Variants in FEZ1 observed in about 807,000 individuals in gnomAD.
The protein encoded by FEZ1 is fasciculation and elongation protein zeta 1.
FEZ1 carries 20 observed loss-of-function variants against 49.3 expected under a neutral mutation model. The ratio of observed to expected loss-of-function variants is 0.41; its 90% CI spans 0.29 to 0.59. FEZ1 has a LOEUF of 0.59. Ranked by LOEUF, FEZ1 falls within the 20% of genes least tolerant of loss-of-function variation. The probability of loss-of-function intolerance (pLI) is 0.36; values close to 1 mark genes in which losing one functional copy is unlikely to be tolerated. For missense variants in FEZ1, 413 were observed against 476.0 expected (o/e 0.87, Z 1.23); for synonymous variants, 170 against 180.9 (o/e 0.94, Z 0.48).
At chr11:125,458,381 C>T (rs1957040324) in intron 5 of FEZ1, among the ~76,000 whole-genome samples, 1 of 152,192 alleles carries the variant, frequency 6.6e-6, no homozygotes, top group Non-Finnish European at 1.5e-5. Flanking sequence ...TCATTTCATG[C>T]TTCATCCAGC....
At position 125,485,397 on chromosome 11, in the gene FEZ1, G is replaced by A. The variant is rs547521984; in HGVS notation, c.312-3764C>T. On this transcript the variant is annotated intron_variant, in intron 2 of 9. Coordinates refer to ENST00000278919, the MANE Select transcript of FEZ1 (RefSeq NM_005103.5). The stretch of plus-strand genomic sequence containing the variant: ...AGGACACGTGTACAAAGAACTCCAG[G>A]GCCTGGAACTGGCAACATAGCCATC... Among the ~76,000 whole-genome samples the A allele has an allele frequency of 9.9e-5, 15 of 152,142 alleles. No homozygotes were observed. The South Asian group carries it at 3.1e-3, about 32-fold the overall frequency.
At chr11:125,457,857 C>CTCTT (rs1399854300) in intron 5 of FEZ1, among the ~76,000 whole-genome samples, 1 of 152,166 alleles carries the variant, frequency 6.6e-6, no homozygotes, top group East Asian at 1.9e-4. Context: ...ATCCATTTCC[C>CTCTT]TCTTCCTCTT....
intron 1 of FEZ1, among the ~76,000 whole-genome samples, chr11:125,490,951 A>T (rs1029953973): frequency 2.0e-5 from 3 of 151,928 alleles, no homozygotes; most frequent in Admixed American, 6.6e-5. Context: ...ATGGGGTTTC[A>T]CCATGTTGGC....
intron 5 of FEZ1, among the ~76,000 whole-genome samples, chr11:125,458,461 A>G (rs1957040883): frequency 6.6e-6 from 1 of 152,182 alleles, no homozygotes; most frequent in Admixed American, 6.5e-5. Flanking sequence ...CTCTGGAGTT[A>G]ACCTACCTGG....
intron 2 of FEZ1, among the ~76,000 whole-genome samples, chr11:125,485,189 A>G (rs987360716): frequency 6.6e-6 from 1 of 152,114 alleles, no homozygotes. Context: ...CTGAGATTCA[A>G]TTTGCTCTCT....
Position 125,493,837 on chromosome 11 carries a change from C to A in FEZ1, c.-46+2284G>T, listed in dbSNP as rs188108263. On this transcript the variant is annotated intron_variant, in intron 1 of 9. Transcript: ENST00000278919. ...GACAGGGGAGAAGCAGATGGTGACA[C>A]CAGTGGGGTTTCTGATTTGAAATGA... is the stretch of plus-strand genomic sequence containing the variant. 9.0e-4 allele frequency among the ~76,000 whole-genome samples: 137 copies of A among 152,244 alleles called. No individual in the cohort carries two copies. In the Middle Eastern group the frequency reaches 0.041, roughly 45 times the overall value.
chr11:125,494,185 T>C (rs907009609), intron 1 of FEZ1, among the ~76,000 whole-genome samples: 4 of 152,168 alleles, frequency 2.6e-5, no homozygotes, highest in African/African-American at 9.7e-5. Context: ...GGGAAACTAG[T>C]CACTCAACAC....
intron 3 of FEZ1, among the ~76,000 whole-genome samples, chr11:125,465,685 A>G (rs1432436513): frequency 1.3e-5 from 2 of 152,212 alleles, no homozygotes; most frequent in Non-Finnish European, 2.9e-5. Context: ...ACGGCCAAGA[A>G]AACCCTGGCT....
At position 125,454,293 on chromosome 11, in the gene FEZ1, G is replaced by A. The variant is rs543848493; in HGVS notation, c.940-83C>T. 1,687 of 1,029,828 alleles carry A rather than the reference G, an allele frequency of 1.6e-3. 2 individuals are homozygous for A. Among genetic ancestry groups the A allele is most frequent in the Non-Finnish European group, 1.9e-3 (1,326 of 680,928 alleles). The allele number at this position is 1,029,828 out of a possible 1,614,324, so 63.8% of individuals were successfully genotyped here. A position where few individuals can be genotyped will look rare whatever the true frequency, so the allele number is the denominator to read the frequency against. On this transcript the variant is annotated intron_variant, in intron 6 of 9. Coordinates refer to ENST00000278919, the MANE Select transcript of FEZ1 (RefSeq NM_005103.5). ...CCAGGGACCTCTCAGCTACCAGGCT[G>A]TCCCAGATAACGCCCCAGGGTTCTG...
At chr11:125,447,177 T>C (rs541530768) in intron 9 of FEZ1, among the ~76,000 whole-genome samples, 10 of 152,208 alleles carry the variant, frequency 6.6e-5, no homozygotes, top group African/African-American at 2.4e-4. Context: ...CCACCTATAA[T>C]GTAGTGCTTA....
intron 5 of FEZ1, among the ~76,000 whole-genome samples, chr11:125,458,791 G>T (rs528578351): frequency 1.3e-5 from 2 of 152,264 alleles, no homozygotes; most frequent in East Asian, 3.9e-4. Flanking sequence ...TCATCGGGCC[G>T]GGCGCAGTGG....
At chr11:125,452,550 G>T in intron 7 of FEZ1, 141 bp from the exon 8 acceptor site, 1 of 608,370 alleles carries the variant, frequency 1.6e-6, no homozygotes, top group South Asian at 2.1e-5. Flanking sequence ...CACTGTTTCA[G>T]AACTTCTTAC....
chr11:125,474,734 A>C (rs555306242), intron 3 of FEZ1, among the ~76,000 whole-genome samples: 1 of 152,048 alleles, frequency 6.6e-6, no homozygotes, highest in South Asian at 2.1e-4. Context: ...CTAAAAATAC[A>C]AAAATTAGCC....
intron 2 of FEZ1, among the ~76,000 whole-genome samples, chr11:125,482,684 G>T (rs939263058): frequency 3.3e-5 from 5 of 152,082 alleles, no homozygotes; most frequent in African/African-American, 9.7e-5. Flanking sequence ...TATTAATGAG[G>T]CCGGGCGCGA....
At chr11:125,455,381 ACT>A (rs1366396320) in intron 6 of FEZ1, 1 of 161,862 alleles carries the variant, frequency 6.2e-6, no homozygotes, top group Non-Finnish European at 1.3e-5. Context: ...AAAGAGTGAG[ACT>A]CTGTCTCAAA....
intron 7 of FEZ1, chr11:125,452,657 T>G (rs1956968709): frequency 2.2e-6 from 1 of 444,632 alleles, no homozygotes; most frequent in African/African-American, 2.0e-5. Flanking sequence ...TTCTCTGTTA[T>G]TTAGGAATCC....
In FEZ1 at chr11:125,444,355, G is replaced by A. The variant is rs758027017; in HGVS notation, c.*1740C>T. Among the ~76,000 whole-genome samples the A allele has an allele frequency of 7.2e-5, 11 of 152,180 alleles. No homozygotes were observed. Among genetic ancestry groups the A allele is most frequent in the Non-Finnish European group, 1.5e-4 (10 of 68,024 alleles). On this transcript the variant is annotated 3_prime_UTR_variant, in exon 10 of 10. Transcript: ENST00000278919. ...AATCCCAGCACTTTGGGAAGCCTAGGAGGGCAGATCGCCTGAGGTCGGGAG... is the reference window on the plus strand; with the variant it reads ...AATCCCAGCACTTTGGGAAGCCTAGAAGGGCAGATCGCCTGAGGTCGGGAG...
chr11:125,460,603 G>C lies in FEZ1; in HGVS notation c.562C>G (p.Leu188Val), dbSNP rs1272405006. Residue 188 changes from leucine to valine, a missense_variant, in exon 5 of 10, where the codon CTG becomes GTG. Leu to Val is a conservative substitution (Grantham distance 32). Transcript: ENST00000278919. ...GTTTCTCCTCCATCCTCTTCTTCCAGAACCTCCTCTTCTTCCTCAGGGTCT... is the reference window on the plus strand; with the variant it reads ...GTTTCTCCTCCATCCTCTTCTTCCACAACCTCCTCTTCTTCCTCAGGGTCT... The part of the protein sequence containing the change: ...SPDPEEEEEV[L>V]EEEDGGETSS... 1 of 1,614,096 alleles carries C rather than the reference G, an allele frequency of 6.2e-7. No individual in the cohort carries two copies. Among genetic ancestry groups the C allele is most frequent in the Non-Finnish European group, 8.5e-7 (1 of 1,179,986 alleles).
rs961587237 is a variant in FEZ1, at chr11:125,443,470, T to C, written c.*2625A>G. On this transcript the variant is annotated 3_prime_UTR_variant, in exon 10 of 10. Coordinates refer to ENST00000278919, the MANE Select transcript of FEZ1 (RefSeq NM_005103.5). ...TGCAAATACAAGTTGCAGGGAGATT[T>C]AGCTTAATACGTAGTAGAGCTGCAT... Among the ~76,000 whole-genome samples the C allele has an allele frequency of 6.6e-6, 1 of 152,204 alleles. No homozygotes were observed. Among genetic ancestry groups the C allele is most frequent in the African/African-American group, 2.4e-5 (1 of 41,450 alleles).
Sources: gnomAD v4.1 joint callset for allele counts (sites outside exome capture counted in the v4.1 genomes callset) on GRCh38, gnomAD v4.1.1 for gene constraint, MANE v1.5 for transcripts, NCBI Gene and HGNC (gene_info 2026-07-23, HGNC 2026-07-21) for gene names.